Variants in VPS13C observed in about 807,000 individuals in gnomAD.
The protein encoded by VPS13C is intermembrane lipid transfer protein VPS13C.
VPS13C carries 358 observed loss-of-function variants against 456.8 expected under a neutral mutation model. The observed-to-expected ratio is 0.78, with a 90% confidence interval of 0.72 to 0.86. VPS13C has a LOEUF of 0.86. VPS13C is among the 40% of genes least tolerant of loss of function. The probability of loss-of-function intolerance (pLI) is 0.00; values close to 1 mark genes in which losing one functional copy is unlikely to be tolerated. For missense variants in VPS13C, 4,818 were observed against 4,385.4 expected, an observed-to-expected ratio of 1.10 and a Z score of -2.79; for synonymous variants, 1,578 against 1,486.7, an observed-to-expected ratio of 1.06 and a Z score of -1.41.
chr15:61,978,379 G>C (rs2045774105), intron 23 of VPS13C, among the ~76,000 whole-genome samples: 1 of 152,070 alleles, frequency 6.6e-6, no homozygotes, highest in Non-Finnish European at 1.5e-5. Context: ...CAAAAACATA[G>C]GCTATGAATA....
intron 73 of VPS13C, among the ~76,000 whole-genome samples, chr15:61,880,241 G>A (rs1471155969): frequency 1.3e-5 from 2 of 152,108 alleles, no homozygotes; most frequent in African/African-American, 4.8e-5. Flanking sequence ...CTACTTCAGC[G>A]TTTTCACATT....
chr15:61,972,642 T>A lies in VPS13C; in HGVS notation c.2740A>T (p.Lys914Ter). ...GCACATACTTCTTTAATTTCAAACT[T>A]GAGTAGAAGATTGATGAGCTCCTCA... is the stretch of plus-strand genomic sequence containing the variant. ...PNEELINLLL[K>*]FEIKEVILEF... is the part of the protein sequence containing the mutation. Residue 914 changes from lysine (K) to a stop codon, truncating the protein, a stop_gained, in exon 27 of 85, where the codon AAG becomes TAG. Transcript: ENST00000644861. LOFTEE classifies it high-confidence loss of function. 6.2e-7 allele frequency: 1 copy of A among 1,612,908 alleles called. No individual in the cohort carries two copies. The highest frequency in any genetic ancestry group is 8.5e-7 in the Non-Finnish European group (1 of 1,179,460).
At chr15:61,910,402 G>C (rs532055563) in intron 63 of VPS13C, 97 bp from the exon 64 acceptor site, 225 of 988,430 alleles carry the variant, frequency 2.3e-4, no homozygotes, top group Non-Finnish European at 2.7e-4. Flanking sequence ...TTCTGATCTT[G>C]ATTAAATTAT....
rs779378641 is a variant in VPS13C at position 61,946,294 on chromosome 15, AT to A, written c.4980+12del. On this transcript the variant is annotated intron_variant, in intron 44 of 84. Coordinates refer to ENST00000644861, the MANE Select transcript of VPS13C (RefSeq NM_020821.3). Reference sequence around the variant, plus strand: ...AAAATAAATTCCAATATAAAAATCTATTTTTTAATCACCTTTTTGTGAATGG... The same window carrying A: ...AAAATAAATTCCAATATAAAAATCTATTTTTAATCACCTTTTTGTGAATGG... The A allele has an allele frequency of 6.4e-6, 10 of 1,557,158 alleles. No homozygotes were observed. The highest frequency in any genetic ancestry group is 6.2e-5 in the Admixed American group (3 of 48,618).
chr15:61,863,779 G>T, intron 81 of VPS13C: 1 of 311,066 alleles, frequency 3.2e-6, no homozygotes, highest in Non-Finnish European at 5.9e-6. Flanking sequence ...AATACATTTT[G>T]TTCTGTAGTA....
intron 50 of VPS13C, among the ~76,000 whole-genome samples, chr15:61,930,729 T>C (rs1053362992): frequency 1.3e-5 from 2 of 152,146 alleles, no homozygotes; most frequent in African/African-American, 2.4e-5. Flanking sequence ...AAAATAAACA[T>C]GATGAAGGAA....
intron 64 of VPS13C, 94 bp from the exon 65 acceptor site, chr15:61,909,219 G>T (rs1333637619): frequency 6.7e-7 from 1 of 1,496,320 alleles, no homozygotes; most frequent in African/African-American, 1.4e-5. Context: ...AAAAGCTTTG[G>T]TTTTTTTCGA....
At chr15:61,870,236 C>T (rs576231565) in intron 79 of VPS13C, among the ~76,000 whole-genome samples, 151 of 152,116 alleles carry the variant, frequency 9.9e-4, no homozygotes, top group African/African-American at 3.5e-3. Context: ...CTATTTCCCC[C>T]AGCCTCTCCC....
chr15:61,898,110 C>T (rs2042886708), intron 66 of VPS13C, among the ~76,000 whole-genome samples: 2 of 151,934 alleles, frequency 1.3e-5, no homozygotes, highest in Non-Finnish European at 2.9e-5. Flanking sequence ...AAGCGCTAAA[C>T]ATGGAAAGGA....
At chr15:61,907,675 G>T (rs1031446985) in intron 65 of VPS13C, among the ~76,000 whole-genome samples, 21 of 152,174 alleles carry the variant, frequency 1.4e-4, no homozygotes, top group African/African-American at 5.1e-4. Context: ...GCCAGATCAG[G>T]GTCCACCTGT....
intron 27 of VPS13C, among the ~76,000 whole-genome samples, chr15:61,970,432 C>G (rs928978497): frequency 6.6e-6 from 1 of 151,974 alleles, no homozygotes; most frequent in Non-Finnish European, 1.5e-5. Context: ...AATATAAATA[C>G]TGAAAAAAGG....
Position 61,909,116 on chromosome 15 carries a change from T to C in VPS13C, c.8854A>G (p.Ile2952Val), listed in dbSNP as rs1173058734. Residue 2952 changes from isoleucine (I) to valine (V), a missense_variant, in exon 65 of 85, where the codon ATC (isoleucine) becomes GTC (valine). Coordinates refer to ENST00000644861, the MANE Select transcript of VPS13C (RefSeq NM_020821.3). ...LLSLEDLNGG[I>V]LVDVNTAEHS... ...TCGGCAGTGTTTACATCCACCAAGATACCCCCATTCTATTGTAGAAAAAAA... is the reference window on the plus strand; with the variant it reads ...TCGGCAGTGTTTACATCCACCAAGACACCCCCATTCTATTGTAGAAAAAAA... 2.5e-6 allele frequency: 4 copies of C among 1,608,114 alleles called. No individual in the cohort carries two copies. Among genetic ancestry groups the C allele is most frequent in the East Asian group, 4.5e-5 (2 of 44,786 alleles).
intron 53 of VPS13C, among the ~76,000 whole-genome samples, chr15:61,923,648 G>C (rs1332960342): frequency 6.6e-6 from 1 of 151,202 alleles, no homozygotes; most frequent in Non-Finnish European, 1.5e-5. Context: ...TAAGTTAACT[G>C]TATTCCTTTA....
rs548384222 is a variant in VPS13C, at chr15:62,058,071, T to C, written c.100+2204A>G. 2.0e-5 allele frequency among the ~76,000 whole-genome samples: 3 copies of C among 152,364 alleles called. No individual in the cohort carries two copies. The South Asian group carries it at 6.2e-4, about 32-fold the overall frequency. On this transcript the variant is annotated intron_variant, in intron 1 of 84. Transcript: ENST00000644861. ...GAAAGTATTATATCATCCAGTATGA[T>C]TTAAACTTTTCAGAATTTAAAAATA...
At chr15:61,882,319 T>G (rs1210354196) in intron 69 of VPS13C, among the ~76,000 whole-genome samples, 2 of 152,106 alleles carry the variant, frequency 1.3e-5, no homozygotes, top group Non-Finnish European at 2.9e-5. Context: ...AAAATCTTAT[T>G]TGGGGGTCCC....
At chr15:61,954,366 C>T (rs1364697773) in intron 38 of VPS13C, 55 bp downstream of exon 38, 1 of 1,557,140 alleles carries the variant, frequency 6.4e-7, no homozygotes, top group Non-Finnish European at 8.7e-7. Flanking sequence ...AGAGGTAATT[C>T]CAATATCCAT....
chr15:62,020,376 A>G (rs927971120), intron 9 of VPS13C, 103 bp downstream of exon 9: 1 of 919,676 alleles, frequency 1.1e-6, no homozygotes, highest in Non-Finnish European at 1.5e-6. Flanking sequence ...TATTTAAAAA[A>G]TCATAGTTCT....
chr15:61,927,302 T>G lies in VPS13C; in HGVS notation c.6305A>C (p.Asn2102Thr), dbSNP rs746531182. ...TGTGATCATGGCCTTTAAAGTCATA[T>G]TTGGTCTAACAGAGTCATCTGAAGA... is the stretch of plus-strand genomic sequence containing the variant. ...KIEKDDSVRP[N>T]MTLKAMITDP... The change falls in exon 52 of 85, where the codon AAT becomes ACT. Residue 2102 changes from asparagine (N) to threonine (T), a missense_variant. Transcript: ENST00000644861. 4.0e-5 allele frequency: 64 copies of G among 1,613,986 alleles called. No homozygotes were observed. In the Admixed American group the frequency reaches 9.8e-4, roughly 25 times the overall value.
chr15:61,965,968 A>G, intron 30 of VPS13C, 115 bp downstream of exon 30: 1 of 635,836 alleles, frequency 1.6e-6, no homozygotes, highest in East Asian at 3.0e-5. Flanking sequence ...TATAACTCTT[A>G]TTGGTCCTTG....
Sources: allele counts gnomAD v4.1 joint callset (sites outside exome capture counted in the v4.1 genomes callset), GRCh38; gene constraint gnomAD v4.1.1; transcripts MANE v1.5; gene names NCBI Gene and HGNC (gene_info 2026-07-23, HGNC 2026-07-21).